Variants in PCDH15 observed in about 807,000 individuals in gnomAD.
PCDH15 encodes the protein protocadherin-15.
A neutral mutation model predicts 178.5 loss-of-function variants in PCDH15; 129 were observed. The ratio of observed to expected loss-of-function variants is 0.72; its 90% CI spans 0.63 to 0.84. PCDH15 has a LOEUF of 0.84. PCDH15 is among the 40% of genes least tolerant of loss of function. The probability of loss-of-function intolerance (pLI) is 0.00; values close to 1 mark genes in which losing one functional copy is unlikely to be tolerated. For synonymous variants in PCDH15, 800 were observed against 732.0 expected (o/e 1.09, Z -1.50); for missense variants, 2,230 against 2,099.9 (o/e 1.06, Z -1.21).
At chr10:53,872,803 T>G (rs1397671270) in intron 26 of PCDH15, among the ~76,000 whole-genome samples, 1 of 152,198 alleles carries the variant, frequency 6.6e-6, no homozygotes, top group Non-Finnish European at 1.5e-5. Flanking sequence ...GAAGCTCTAA[T>G]TCCCATAAAA....
At chr10:54,401,947 A>G (rs1451970174) in intron 3 of PCDH15, among the ~76,000 whole-genome samples, 1 of 151,920 alleles carries the variant, frequency 6.6e-6, no homozygotes, top group Non-Finnish European at 1.5e-5. Flanking sequence ...ATCAAAGAAT[A>G]AAAAGTACAC....
chr10:54,184,598 C>CTCTT (rs2048322833), intron 12 of PCDH15, among the ~76,000 whole-genome samples: 1 of 151,932 alleles, frequency 6.6e-6, no homozygotes, highest in African/African-American at 2.4e-5. Flanking sequence ...GGACAGATAA[C>CTCTT]TCTTTATTGT....
intron 2 of PCDH15, among the ~76,000 whole-genome samples, chr10:54,635,481 C>T (rs190570883): frequency 6.6e-6 from 1 of 151,682 alleles, no homozygotes; most frequent in East Asian, 1.9e-4. Flanking sequence ...TGTATTCTAC[C>T]AGAGTTCTAT....
In PCDH15 at chr10:55,149,179, A is replaced by AG. The variant is rs1838613214; in HGVS notation, c.-80+17396_-80+17397insC. Reference sequence around the variant, plus strand: ...TTTATAATAACTTAAATGACAGAAAACATGATTATTTGCAAAGTATTAGAA... The same window carrying AG: ...TTTATAATAACTTAAATGACAGAAAAGCATGATTATTTGCAAAGTATTAGAA... On this transcript the variant is annotated intron_variant, in intron 2 of 5. Transcript: ENST00000458638. Among the ~76,000 whole-genome samples the AG allele has an allele frequency of 3.3e-5, 5 of 151,622 alleles. No individual in the cohort carries two copies. The South Asian group carries it at 1.0e-3, about 32-fold the overall frequency.
intron 2 of PCDH15, among the ~76,000 whole-genome samples, chr10:55,023,764 T>C (rs900856917): frequency 7.3e-6 from 1 of 136,138 alleles, no homozygotes; most frequent in Non-Finnish European, 1.6e-5. Context: ...TTTGTGTCTG[T>C]GTATAACTGT....
intron 18 of PCDH15, among the ~76,000 whole-genome samples, chr10:54,028,347 A>G (rs10825192): frequency 0.39 from 55,715 of 143,166 alleles, 11,515 homozygotes; most frequent in Middle Eastern, 0.62. Context: ...GTGGGACTGT[A>G]AACTAGTTCA....
At chr10:54,948,728 T>A (rs1838254414) in intron 2 of PCDH15, among the ~76,000 whole-genome samples, 1 of 151,954 alleles carries the variant, frequency 6.6e-6, no homozygotes, top group Non-Finnish European at 1.5e-5. Context: ...CAATCCCTTA[T>A]AACAACTTTA....
intron 20 of PCDH15, among the ~76,000 whole-genome samples, chr10:54,011,806 G>A (rs1302424213): frequency 6.6e-6 from 1 of 152,206 alleles, no homozygotes; most frequent in Non-Finnish European, 1.5e-5. Flanking sequence ...ACTCAAATTA[G>A]ACAGTTGAAA....
At chr10:55,157,127 A>C (rs200682692) in intron 2 of PCDH15, among the ~76,000 whole-genome samples, 1 of 35,500 alleles carries the variant, frequency 2.8e-5, no homozygotes, top group East Asian at 7.5e-4. Context: ...TTCTATCTAT[A>C]TCTATCTATC....
In PCDH15 at chr10:53,903,271, C is replaced by T; in HGVS notation, c.3473G>A (p.Arg1158Lys). ...FYIGGVSEDA[R>K]MFTSVLRVKA... ...CACTCTGAGTACAGAAGTAAACATTCTTGCATCTTCAGATACACCTCCGAT... is the reference window on the plus strand; with the variant it reads ...CACTCTGAGTACAGAAGTAAACATTTTTGCATCTTCAGATACACCTCCGAT... The change falls in exon 26 of 38, where the codon AGA becomes AAA. Residue 1158 changes from arginine (R) to lysine (K), a missense_variant. Transcript: ENST00000644397. The T allele has an allele frequency of 6.2e-7, 1 of 1,613,162 alleles. No homozygotes were observed. The highest frequency in any genetic ancestry group is 1.1e-5 in the South Asian group (1 of 91,068).
chr10:54,440,428 A>G (rs373885939), intron 3 of PCDH15, among the ~76,000 whole-genome samples: 1 of 152,106 alleles, frequency 6.6e-6, no homozygotes. Context: ...TTATCATTTA[A>G]TAAATTACAT....
chr10:53,865,993 T>G (rs568210406), intron 27 of PCDH15, among the ~76,000 whole-genome samples: 1 of 152,232 alleles, frequency 6.6e-6, no homozygotes, highest in Non-Finnish European at 1.5e-5. Flanking sequence ...TGTTAAATAT[T>G]TTCAATACAA....
At chr10:54,192,411 A>G (rs2049127350) in intron 11 of PCDH15, among the ~76,000 whole-genome samples, 1 of 152,096 alleles carries the variant, frequency 6.6e-6, no homozygotes, top group Admixed American at 6.6e-5. Flanking sequence ...AGAGAGAAGA[A>G]AAGAGATTAA....
At chr10:54,022,751 A>G in intron 19 of PCDH15, 141 bp downstream of exon 19, 1 of 854,674 alleles carries the variant, frequency 1.2e-6, no homozygotes. Flanking sequence ...TTGGAGAAAT[A>G]ATAAAAATTT....
intron 36 of PCDH15, among the ~76,000 whole-genome samples, chr10:53,811,311 A>G (rs1207508846): frequency 6.6e-6 from 1 of 152,216 alleles, no homozygotes; most frequent in Non-Finnish European, 1.5e-5. Flanking sequence ...GAATAATTTT[A>G]CCGCATTTCT....
At chr10:54,786,789 G>A (rs1950915953) in intron 1 of PCDH15, among the ~76,000 whole-genome samples, 1 of 151,618 alleles carries the variant, frequency 6.6e-6, no homozygotes, top group Non-Finnish European at 1.5e-5. Context: ...TTATCAATCT[G>A]TTCCTGTTAC....
chr10:55,208,109 A>G (rs2132167057), intron 1 of PCDH15, among the ~76,000 whole-genome samples: 1 of 152,290 alleles, frequency 6.6e-6, no homozygotes, highest in Middle Eastern at 3.4e-3. Context: ...CTTGGCAGAG[A>G]TGTAAAAACA....
intron 2 of PCDH15, among the ~76,000 whole-genome samples, chr10:54,969,241 A>T (rs926953548): frequency 2.0e-5 from 3 of 152,184 alleles, no homozygotes; most frequent in African/African-American, 7.2e-5. Flanking sequence ...GGAGAGAGGC[A>T]CATTACTTGG....
intron 2 of PCDH15, among the ~76,000 whole-genome samples, chr10:55,585,332 A>C (rs1359133002): frequency 6.6e-6 from 1 of 152,132 alleles, no homozygotes; most frequent in African/African-American, 2.4e-5. Context: ...GAACACTATA[A>C]ACACTTTTTC....
Sources: gnomAD v4.1 joint callset for allele counts (sites outside exome capture counted in the v4.1 genomes callset) on GRCh38, gnomAD v4.1.1 for gene constraint, MANE v1.5 for transcripts, NCBI Gene and HGNC (gene_info 2026-07-23, HGNC 2026-07-21) for gene names.